The following KIAA1217 variants were observed in gnomAD, a reference collection of about 807,000 sequenced individuals.
The protein encoded by KIAA1217 is sickle tail protein homolog.
KIAA1217 carries 88 observed loss-of-function variants against 163.9 expected under a neutral mutation model. The ratio of observed to expected loss-of-function variants is 0.54; its 90% CI spans 0.45 to 0.64. KIAA1217 has a LOEUF of 0.64. Among genes scored for constraint, KIAA1217 ranks in the 30% least tolerant of loss-of-function variants. The pLI is 0.00. For synonymous variants in KIAA1217, 903 were observed against 923.1 expected (o/e 0.98, Z 0.39); for missense variants, 2,372 against 2,475.0 (o/e 0.96, Z 0.88).
chr10:24,488,013 CAG>C (rs2065625123), intron 6 of KIAA1217, among the ~76,000 whole-genome samples: 1 of 152,128 alleles, frequency 6.6e-6, no homozygotes, highest in Admixed American at 6.6e-5. Flanking sequence ...GAGAAATGAC[CAG>C]AGACTGTTCA....
At chr10:24,119,123 G>A (rs139081974) in intron 2 of KIAA1217, among the ~76,000 whole-genome samples, 16 of 152,208 alleles carry the variant, frequency 1.1e-4, no homozygotes, top group African/African-American at 3.9e-4. Context: ...CAGGTAGCAG[G>A]CAATATTTAT....
intron 1 of KIAA1217, among the ~76,000 whole-genome samples, chr10:23,706,361 A>G (rs527617603): frequency 3.3e-5 from 5 of 152,280 alleles, no homozygotes; most frequent in Non-Finnish European, 7.4e-5. Context: ...TCTTAGAAGT[A>G]AAAGCACCCA....
chr10:24,213,425 C>T (rs1387383508), intron 1 of KIAA1217, among the ~76,000 whole-genome samples: 1 of 152,164 alleles, frequency 6.6e-6, no homozygotes, highest in Non-Finnish European at 1.5e-5. Flanking sequence ...GATTGGCAGC[C>T]TCCCATCGAG....
chr10:24,520,002 G>C (rs1483220657), intron 10 of KIAA1217, 121 bp from the exon 11 acceptor site: 1 of 1,148,914 alleles, frequency 8.7e-7, no homozygotes, highest in Non-Finnish European at 1.2e-6. Context: ...CCACACGAAA[G>C]GCAGGGGGGA....
chr10:24,476,694 A>T (rs1663350850), intron 6 of KIAA1217, among the ~76,000 whole-genome samples: 1 of 152,196 alleles, frequency 6.6e-6, no homozygotes, highest in African/African-American at 2.4e-5. Context: ...TTTATCTCAT[A>T]CATCTTGCCA....
chr10:23,778,747 G>A (rs1417181183), intron 1 of KIAA1217, among the ~76,000 whole-genome samples: 1 of 152,188 alleles, frequency 6.6e-6, no homozygotes, highest in South Asian at 2.1e-4. Flanking sequence ...GTGTCTTCCT[G>A]CAAGTCTGAC....
At chr10:24,397,854 C>G (rs1163197105) in intron 3 of KIAA1217, among the ~76,000 whole-genome samples, 1 of 152,182 alleles carries the variant, frequency 6.6e-6, no homozygotes, top group African/African-American at 2.4e-5. Context: ...CACAACCCCA[C>G]CCCCAATAAA....
At chr10:23,927,079 T>C (rs1843051564) in intron 1 of KIAA1217, among the ~76,000 whole-genome samples, 1 of 151,794 alleles carries the variant, frequency 6.6e-6, no homozygotes, top group Non-Finnish European at 1.5e-5. Context: ...GGCTAATTTT[T>C]GTATTTTTTG....
chr10:23,860,479 A>C (rs1473009252), intron 1 of KIAA1217, among the ~76,000 whole-genome samples: 1 of 152,194 alleles, frequency 6.6e-6, no homozygotes, highest in Non-Finnish European at 1.5e-5. Flanking sequence ...TGACAATATT[A>C]TACATTGTAA....
At chr10:23,895,097 T>C (rs974683386) in intron 1 of KIAA1217, among the ~76,000 whole-genome samples, 4 of 151,998 alleles carry the variant, frequency 2.6e-5, no homozygotes, top group African/African-American at 9.7e-5. Flanking sequence ...ACTTCATGTC[T>C]AAAACACCAA....
intron 1 of KIAA1217, among the ~76,000 whole-genome samples, chr10:23,993,029 C>CTTTTT (rs1188657000): frequency 2.5e-5 from 3 of 118,626 alleles, no homozygotes; most frequent in South Asian, 2.8e-4. Flanking sequence ...TGATAGCTTC[C>CTTTTT]TTTTTTTTTT....
At chr10:24,120,155 T>G (rs1156848456) in intron 2 of KIAA1217, among the ~76,000 whole-genome samples, 1 of 152,236 alleles carries the variant, frequency 6.6e-6, no homozygotes. Context: ...AGGCCATCTG[T>G]TATTTTCACT....
intron 2 of KIAA1217, among the ~76,000 whole-genome samples, chr10:24,151,150 G>A (rs888967658): frequency 1.3e-4 from 20 of 152,100 alleles, no homozygotes; most frequent in Non-Finnish European, 2.8e-4. Context: ...CTGCAAGTAA[G>A]TATAGGAATG....
chr10:24,302,539 A>G (rs988527315), intron 2 of KIAA1217, among the ~76,000 whole-genome samples: 2 of 152,118 alleles, frequency 1.3e-5, no homozygotes, highest in African/African-American at 4.8e-5. Flanking sequence ...TTCAGTGTAT[A>G]TTTCTTAAGG....
At chr10:23,755,125 C>T (rs778340776) in intron 1 of KIAA1217, among the ~76,000 whole-genome samples, 4 of 152,122 alleles carry the variant, frequency 2.6e-5, no homozygotes, top group Admixed American at 6.5e-5. Context: ...CCACGGCGGA[C>T]GCTTCCAAGC....
chr10:23,793,440 C>T (rs557301381), intron 1 of KIAA1217, among the ~76,000 whole-genome samples: 4 of 152,292 alleles, frequency 2.6e-5, no homozygotes, highest in African/African-American at 7.2e-5. Flanking sequence ...AAGGCACATT[C>T]CTGTTCATGC....
chr10:24,531,297 T>G (rs1049146507), intron 14 of KIAA1217, among the ~76,000 whole-genome samples: 4 of 152,212 alleles, frequency 2.6e-5, no homozygotes, highest in African/African-American at 9.7e-5. Context: ...ATCCCATTTT[T>G]TCTCTGGCCC....
At chr10:24,114,201 A>G (rs2062962294) in intron 2 of KIAA1217, among the ~76,000 whole-genome samples, 1 of 152,196 alleles carries the variant, frequency 6.6e-6, no homozygotes, top group Non-Finnish European at 1.5e-5. Context: ...TTAGCTGTCC[A>G]GGCTCTGCGG....
chr10:24,378,237 C>T (rs2052785966), intron 2 of KIAA1217, among the ~76,000 whole-genome samples: 1 of 152,140 alleles, frequency 6.6e-6, no homozygotes, highest in African/African-American at 2.4e-5. Context: ...CAGCTAAGTT[C>T]AGGTAACTAC....
Sources: allele counts gnomAD v4.1 joint callset (sites outside exome capture counted in the v4.1 genomes callset), GRCh38; gene constraint gnomAD v4.1.1; transcripts MANE v1.5; gene names NCBI Gene and HGNC (gene_info 2026-07-23, HGNC 2026-07-21).